CNOT4: variants seen among roughly 807,000 people sequenced by gnomAD.
CNOT4 encodes the protein CCR4-NOT transcription complex subunit 4.
CNOT4 carries 8 observed loss-of-function variants against 73.8 expected under a neutral mutation model. That is an observed-to-expected ratio of 0.11 (90% CI 0.06 to 0.20). The LOEUF (loss-of-function observed/expected upper bound fraction) is 0.20, where lower values mean the gene tolerates loss of function less well. Among genes scored for constraint, CNOT4 ranks in the 10% least tolerant of loss-of-function variants. The probability of loss-of-function intolerance (pLI) is 1.00; values close to 1 mark genes in which losing one functional copy is unlikely to be tolerated. For missense variants in CNOT4, 564 were observed against 883.4 expected (o/e 0.64, Z 4.58); for synonymous variants, 293 against 321.1 (o/e 0.91, Z 0.94).
intron 10 of CNOT4, among the ~76,000 whole-genome samples, chr7:135,390,173 C>A (rs1317016389): frequency 6.6e-6 from 1 of 151,990 alleles, no homozygotes; most frequent in Admixed American, 6.6e-5. Context: ...ACAATTGCCA[C>A]GGGAAGAAAG....
intron 2 of CNOT4, among the ~76,000 whole-genome samples, chr7:135,430,595 C>A (rs1021269470): frequency 6.6e-6 from 1 of 151,674 alleles, no homozygotes; most frequent in African/African-American, 2.4e-5. Context: ...CAGTGAGCTA[C>A]AATGAGGCCA....
intron 1 of CNOT4, among the ~76,000 whole-genome samples, chr7:135,477,158 A>G (rs1802047094): frequency 6.6e-6 from 1 of 151,974 alleles, no homozygotes; most frequent in Admixed American, 6.6e-5. Flanking sequence ...CCTGGCCAAC[A>G]ATGGCAAAAC....
In CNOT4 at chr7:135,452,648, AT is replaced by A. The variant is rs560894499; in HGVS notation, c.-92-14226del. ...AGAGGTAGTTCGTTTTCTTCCTTTT[AT>A]TTTTCAATCTTTAGAAATGAACGTT... On this transcript the variant is annotated intron_variant, in intron 1 of 11. Transcript: ENST00000541284. 6.8e-4 allele frequency among the ~76,000 whole-genome samples: 104 copies of A among 152,312 alleles called. 4 individuals are homozygous for A. Among genetic ancestry groups the A allele is most frequent in the Admixed American group, 6.7e-3 (102 of 15,298 alleles).
intron 1 of CNOT4, among the ~76,000 whole-genome samples, chr7:135,447,534 T>C (rs1162792037): frequency 2.6e-5 from 4 of 152,300 alleles, no homozygotes; most frequent in African/African-American, 9.6e-5. Flanking sequence ...CTCTATCACT[T>C]TGCTATTTAT....
At chr7:135,379,074 A>T (rs1048714239) in intron 10 of CNOT4, among the ~76,000 whole-genome samples, 24 of 152,100 alleles carry the variant, frequency 1.6e-4, no homozygotes, top group African/African-American at 5.6e-4. Flanking sequence ...GGTAGTGTAC[A>T]TTAAGATTTA....
chr7:135,487,090 C>A (rs1396165546), intron 1 of CNOT4, among the ~76,000 whole-genome samples: 1 of 151,896 alleles, frequency 6.6e-6, no homozygotes, highest in Non-Finnish European at 1.5e-5. Flanking sequence ...TCTACTTTTT[C>A]TACCCTAGAT....
At chr7:135,422,487 TA>T (rs1798246110) in intron 2 of CNOT4, 134 bp from the exon 3 acceptor site, 2 of 537,094 alleles carry the variant, frequency 3.7e-6, no homozygotes, top group South Asian at 3.2e-5. Flanking sequence ...TTTAACTGCT[TA>T]AAAAATTTTT....
At chr7:135,387,705 G>A in intron 10 of CNOT4, 4 of 984,642 alleles carry the variant, frequency 4.1e-6, no homozygotes, top group Non-Finnish European at 4.8e-6. Context: ...TCCAAACTAA[G>A]TACAGTTTCT....
intron 1 of CNOT4, among the ~76,000 whole-genome samples, chr7:135,454,399 A>C (rs2129486031): frequency 6.6e-6 from 1 of 152,102 alleles, no homozygotes; most frequent in South Asian, 2.1e-4. Flanking sequence ...CATTCCTGTA[A>C]TCTCAGCACT....
intron 2 of CNOT4, among the ~76,000 whole-genome samples, chr7:135,436,594 C>T (rs974852929): frequency 1.3e-5 from 2 of 151,396 alleles, no homozygotes; most frequent in African/African-American, 4.8e-5. Context: ...TTTCCATTCA[C>T]ATTTCTTAAA....
chr7:135,364,527 T>G lies in CNOT4; in HGVS notation c.1628-461A>C, dbSNP rs565749312. Among the ~76,000 whole-genome samples, 1 of 152,330 alleles carries G rather than the reference T, an allele frequency of 6.6e-6. No individual in the cohort carries two copies. Among genetic ancestry groups the G allele is most frequent in the Admixed American group, 6.5e-5 (1 of 15,306 alleles). ...AAAGTCATTTTATGAAGAATAAACATAAGCAATAGAAAAAGAAAAATAATT... is the reference window on the plus strand; with the variant it reads ...AAAGTCATTTTATGAAGAATAAACAGAAGCAATAGAAAAAGAAAAATAATT... On this transcript the variant is annotated intron_variant, in intron 10 of 11. Coordinates refer to ENST00000541284, the MANE Select transcript of CNOT4 (RefSeq NM_001190850.2). This position sits in a 1 kb window ranked among gnomAD's most constrained non-coding sequence, Gnocchi z 4.3.
In CNOT4 at chr7:135,397,736, T is replaced by C. The variant is rs554411148; in HGVS notation, c.879+433A>G. Among the ~76,000 whole-genome samples the C allele has an allele frequency of 6.6e-5, 10 of 152,204 alleles. No individual in the cohort carries two copies. In the East Asian group the frequency reaches 1.7e-3, roughly 26 times the overall value. On this transcript the variant is annotated intron_variant, in intron 8 of 11. Coordinates refer to ENST00000541284, the MANE Select transcript of CNOT4 (RefSeq NM_001190850.2). Reference sequence around the variant, plus strand: ...TTTATCTGGCTTATCATTTCAAAGCTGATAGTCATTTGGGGAAAATAAGAA... The same window carrying C: ...TTTATCTGGCTTATCATTTCAAAGCCGATAGTCATTTGGGGAAAATAAGAA...
chr7:135,442,110 C>G (rs773514101), intron 1 of CNOT4, among the ~76,000 whole-genome samples: 1 of 152,122 alleles, frequency 6.6e-6, no homozygotes, highest in South Asian at 2.1e-4. Flanking sequence ...ATTTGATGTA[C>G]TCATCTGAAC....
At chr7:135,377,559 T>C (rs1432449146) in intron 10 of CNOT4, among the ~76,000 whole-genome samples, 1 of 152,176 alleles carries the variant, frequency 6.6e-6, no homozygotes, top group Non-Finnish European at 1.5e-5. Flanking sequence ...TACAAACTTT[T>C]TTTGTTTTCA....
chr7:135,370,431 T>G lies in CNOT4; in HGVS notation c.1628-6365A>C, dbSNP rs149497209. 3.8e-3 allele frequency among the ~76,000 whole-genome samples: 580 copies of G among 152,302 alleles called. 3 individuals carry two copies. The highest frequency in any genetic ancestry group is 5.4e-3 in the Non-Finnish European group (364 of 68,036). On this transcript the variant is annotated intron_variant, in intron 10 of 11. Coordinates refer to ENST00000541284, the MANE Select transcript of CNOT4 (RefSeq NM_001190850.2). ...AGAATGCTTTCTTGTTGTCTTCAAG[T>G]AGTTTTTATTCAATCTTCCAAAAGT...
At chr7:135,460,396 T>G (rs1466749901) in intron 1 of CNOT4, among the ~76,000 whole-genome samples, 1 of 152,190 alleles carries the variant, frequency 6.6e-6, no homozygotes, top group Non-Finnish European at 1.5e-5. Flanking sequence ...GTGAGAGACA[T>G]GTGATTCTTT....
chr7:135,434,772 T>C lies in CNOT4; in HGVS notation c.174+3386A>G, dbSNP rs182260537. Among the ~76,000 whole-genome samples the C allele has an allele frequency of 3.3e-5, 5 of 152,332 alleles. No homozygotes were observed. In the East Asian group the frequency reaches 7.7e-4, roughly 24 times the overall value. ...ACTTAGATTTCTAATAGGAATCTCATACTTAACATGTCTAAAACTGAGTTT... is the reference window on the plus strand; with the variant it reads ...ACTTAGATTTCTAATAGGAATCTCACACTTAACATGTCTAAAACTGAGTTT... On this transcript the variant is annotated intron_variant, in intron 2 of 11. Transcript: ENST00000541284.
intron 1 of CNOT4, among the ~76,000 whole-genome samples, chr7:135,442,893 A>T (rs1347906651): frequency 6.6e-6 from 1 of 151,996 alleles, no homozygotes; most frequent in African/African-American, 2.4e-5. Context: ...CCTTGTCTCT[A>T]TGAAAAATTT....
At chr7:135,395,530 A>G in intron 9 of CNOT4, 104 bp downstream of exon 9, 7 of 1,288,920 alleles carry the variant, frequency 5.4e-6, no homozygotes, top group Non-Finnish European at 7.5e-6. Flanking sequence ...AAAAGAGAAC[A>G]GAGAGGCAAA....
Sources: gnomAD v4.1 joint callset for allele counts (sites outside exome capture counted in the v4.1 genomes callset) on GRCh38, gnomAD v4.1.1 for gene constraint, Gnocchi (gnomAD v3.1) non-coding constraint, MANE v1.5 for transcripts, NCBI Gene and HGNC (gene_info 2026-07-23, HGNC 2026-07-21) for gene names.